The following SQOR variants were observed in gnomAD, a reference collection of about 807,000 sequenced individuals.
SQOR encodes sulfide quinone oxidoreductase.
Under a neutral mutation model 48.6 loss-of-function variants are expected in SQOR, and 39 were observed. The observed-to-expected ratio is 0.80, with a 90% confidence interval of 0.62 to 1.05. SQOR has a LOEUF of 1.05. Ranked by LOEUF, SQOR falls within the 50% of genes least tolerant of loss-of-function variation. The pLI is 0.00. For missense variants in SQOR, 561 were observed against 559.9 expected (o/e 1.00, Z -0.02); for synonymous variants, 220 against 206.2 (o/e 1.07, Z -0.57).
chr15:45,646,745 T>C (rs1889347612), intron 1 of SQOR, among the ~76,000 whole-genome samples: 1 of 152,174 alleles, frequency 6.6e-6, no homozygotes, highest in African/African-American at 2.4e-5. Flanking sequence ...GGAATGCCCA[T>C]ATATATCCAT....
chr15:45,644,977 A>C (rs1413731459), intron 1 of SQOR, among the ~76,000 whole-genome samples: 2 of 152,204 alleles, frequency 1.3e-5, no homozygotes, highest in African/African-American at 4.8e-5. Context: ...AGAGTTAGCT[A>C]GTCCTGGGAG....
intron 7 of SQOR, 57 bp from the exon 8 acceptor site, chr15:45,688,280 G>A: frequency 1.5e-6 from 2 of 1,297,166 alleles, no homozygotes; most frequent in East Asian, 2.3e-5. Context: ...TTGCAAATTA[G>A]TTTTCATGGA....
At chr15:45,635,355 C>A (rs1566912344) in intron 1 of SQOR, among the ~76,000 whole-genome samples, 1 of 152,200 alleles carries the variant, frequency 6.6e-6, no homozygotes. Flanking sequence ...AGCCTCAGGG[C>A]CGCGGAGAGG....
At chr15:45,690,231 A>G (rs1391397801) in intron 9 of SQOR, among the ~76,000 whole-genome samples, 3 of 151,892 alleles carry the variant, frequency 2.0e-5, no homozygotes, top group South Asian at 2.1e-4. Context: ...ATGCCCAGCT[A>G]ATTTTTGTAT....
intron 4 of SQOR, among the ~76,000 whole-genome samples, chr15:45,671,777 C>G (rs1053437869): frequency 1.3e-5 from 2 of 152,168 alleles, no homozygotes; most frequent in Non-Finnish European, 2.9e-5. Context: ...CTTTCTCAGG[C>G]CAGCTTCACA....
At chr15:45,677,862 G>A (rs904868945) in intron 6 of SQOR, among the ~76,000 whole-genome samples, 4 of 152,154 alleles carry the variant, frequency 2.6e-5, no homozygotes, top group African/African-American at 9.6e-5. Context: ...CACCATGCCC[G>A]GCTAATTTTT....
intron 7 of SQOR, among the ~76,000 whole-genome samples, chr15:45,684,718 A>T (rs1362005295): frequency 6.6e-6 from 1 of 152,098 alleles, no homozygotes; most frequent in Non-Finnish European, 1.5e-5. Flanking sequence ...TGCAGCATTT[A>T]TGTGGTGAAA....
At chr15:45,641,664 A>G (rs887036749) in intron 1 of SQOR, among the ~76,000 whole-genome samples, 2 of 152,328 alleles carry the variant, frequency 1.3e-5, no homozygotes, top group South Asian at 4.1e-4. Flanking sequence ...ACTCAAGCAG[A>G]GGTGTGCCAA....
At chr15:45,669,166 TA>T (rs1889892911) in intron 3 of SQOR, among the ~76,000 whole-genome samples, 1 of 143,878 alleles carries the variant, frequency 7.0e-6, no homozygotes, top group Non-Finnish European at 1.5e-5. Context: ...ATATATTTTT[TA>T]TTTTTTTTTA....
intron 7 of SQOR, among the ~76,000 whole-genome samples, chr15:45,683,309 C>T (rs980130417): frequency 2.0e-5 from 3 of 152,160 alleles, no homozygotes; most frequent in Non-Finnish European, 4.4e-5. Flanking sequence ...CCTGAAACAC[C>T]ATAAAGCTCG....
intron 7 of SQOR, 91 bp downstream of exon 7, chr15:45,682,752 A>C: frequency 6.9e-7 from 1 of 1,459,758 alleles, no homozygotes. Context: ...CATCGGCCAG[A>C]GACGGTGGTT....
intron 6 of SQOR, among the ~76,000 whole-genome samples, chr15:45,677,057 GAAAT>G (rs898451831): frequency 7.1e-6 from 1 of 140,938 alleles, no homozygotes; most frequent in African/African-American, 2.6e-5. Context: ...AAAAAAAAAA[GAAAT>G]AATCTCAAAC....
intron 5 of SQOR, 36 bp downstream of exon 5, chr15:45,673,837 C>A (rs371484062): frequency 6.8e-5 from 108 of 1,598,248 alleles, no homozygotes; most frequent in Admixed American, 8.4e-5. Flanking sequence ...ATGAGCAGGG[C>A]GGACAGTGCT....
Position 45,644,515 on chromosome 15 carries a change from C to T in SQOR, c.-18+9407C>T, listed in dbSNP as rs561094495. 3.9e-5 allele frequency among the ~76,000 whole-genome samples: 6 copies of T among 152,272 alleles called. No individual in the cohort carries two copies. The East Asian group carries it at 1.2e-3, about 29-fold the overall frequency. ...GCATTTTAATCTAGATGTATTACAA[C>T]GTACCTGGGATTTGTTTTAATCAAG... On this transcript the variant is annotated intron_variant, in intron 1 of 9. Coordinates refer to ENST00000260324, the MANE Select transcript of SQOR (RefSeq NM_021199.4).
chr15:45,684,792 G>A (rs534606425), intron 7 of SQOR, among the ~76,000 whole-genome samples: 26 of 152,218 alleles, frequency 1.7e-4, no homozygotes, highest in African/African-American at 5.8e-4. Context: ...TATTTAATTC[G>A]ATGTTCCAGA....
At chr15:45,643,088 G>T (rs375849549) in intron 1 of SQOR, among the ~76,000 whole-genome samples, 8 of 152,308 alleles carry the variant, frequency 5.3e-5, no homozygotes, top group African/African-American at 1.9e-4. Flanking sequence ...CCCATGTAAA[G>T]CCTCAATGCC....
At chr15:45,652,936 G>A (rs971857139) in intron 1 of SQOR, among the ~76,000 whole-genome samples, 3 of 151,320 alleles carry the variant, frequency 2.0e-5, no homozygotes, top group Admixed American at 6.6e-5. Flanking sequence ...TCCAGCCTGG[G>A]CGACAGAGCA....
At chr15:45,638,963 C>G (rs1895059871) in intron 1 of SQOR, among the ~76,000 whole-genome samples, 3 of 152,116 alleles carry the variant, frequency 2.0e-5, no homozygotes, top group Non-Finnish European at 4.4e-5. Context: ...ATCTCCAGAA[C>G]TTTGAGAAAA....
intron 2 of SQOR, among the ~76,000 whole-genome samples, chr15:45,660,806 C>T (rs1889704085): frequency 6.6e-6 from 1 of 152,130 alleles, no homozygotes; most frequent in Admixed American, 6.5e-5. Flanking sequence ...AAAGTCATTC[C>T]TGGTGTCCTC....
Sources: gnomAD v4.1 joint callset for allele counts (sites outside exome capture counted in the v4.1 genomes callset) on GRCh38, gnomAD v4.1.1 for gene constraint, MANE v1.5 for transcripts, NCBI Gene and HGNC (gene_info 2026-07-23, HGNC 2026-07-21) for gene names.